SLC24A2: variants seen among roughly 807,000 people sequenced by gnomAD.
SLC24A2 encodes the protein solute carrier family 24 member 2.
In SLC24A2, 36 loss-of-function variants were observed where a neutral mutation model predicts 62.0. The ratio of observed to expected loss-of-function variants is 0.58; its 90% CI spans 0.44 to 0.77. SLC24A2 has a LOEUF of 0.77. Ranked by LOEUF, SLC24A2 falls within the 30% of genes least tolerant of loss-of-function variation. The probability of loss-of-function intolerance (pLI) is 0.00; values close to 1 mark genes in which losing one functional copy is unlikely to be tolerated. For missense variants in SLC24A2, 846 were observed against 817.9 expected (o/e 1.03, Z -0.42); for synonymous variants, 358 against 294.0 (o/e 1.22, Z -2.23).
chr9:20,256,935 C>A, the SLC24A2 span, among the ~76,000 whole-genome samples: 1 of 151,896 alleles, frequency 6.6e-6, no homozygotes, highest in African/African-American at 2.4e-5. Flanking sequence ...CACACACACA[C>A]ACACACACAC....
chr9:20,034,004 C>T, the SLC24A2 span, among the ~76,000 whole-genome samples: 1 of 152,148 alleles, frequency 6.6e-6, no homozygotes, highest in Non-Finnish European at 1.5e-5. Flanking sequence ...AAAATTACCA[C>T]ATTAGCACTG....
At chr9:19,675,231 T>A (rs1819527579) in intron 2 of SLC24A2, among the ~76,000 whole-genome samples, 1 of 152,188 alleles carries the variant, frequency 6.6e-6, no homozygotes, top group Admixed American at 6.5e-5. Context: ...CAGCTTTAGA[T>A]ACCAGCACCT....
chr9:20,034,733 G>A, the SLC24A2 span, among the ~76,000 whole-genome samples: 1 of 152,136 alleles, frequency 6.6e-6, no homozygotes, highest in Non-Finnish European at 1.5e-5. Context: ...CTCCCAAAGT[G>A]CTGGGATTAC....
At chr9:20,168,714 G>C in the SLC24A2 span, among the ~76,000 whole-genome samples, 1 of 151,984 alleles carries the variant, frequency 6.6e-6, no homozygotes, top group Non-Finnish European at 1.5e-5. Context: ...ACAAGTGCTG[G>C]CAAGAATGTA....
the SLC24A2 span, among the ~76,000 whole-genome samples, chr9:20,145,328 CATGGGGGAT>C: frequency 6.6e-6 from 1 of 152,100 alleles, no homozygotes; most frequent in South Asian, 2.1e-4. Context: ...GGGGATATAA[CATGGGGGAT>C]ATAACATTTT....
At chr9:20,061,497 G>C in the SLC24A2 span, among the ~76,000 whole-genome samples, 1 of 152,026 alleles carries the variant, frequency 6.6e-6, no homozygotes, top group Non-Finnish European at 1.5e-5. Flanking sequence ...ATTTTGGCCA[G>C]GCTGGTCTTG....
chr9:20,167,989 T>G, the SLC24A2 span, among the ~76,000 whole-genome samples: 2 of 151,978 alleles, frequency 1.3e-5, no homozygotes, highest in Non-Finnish European at 2.9e-5. Context: ...GCCTTGGCAC[T>G]CTTTCCTTGT....
the SLC24A2 span, among the ~76,000 whole-genome samples, chr9:20,097,612 G>C: frequency 6.6e-5 from 10 of 151,664 alleles, no homozygotes; most frequent in Middle Eastern, 3.5e-3. Context: ...TTACAGGTTG[G>C]ACTGGGTATC....
chr9:20,036,892 G>GTA, the SLC24A2 span, among the ~76,000 whole-genome samples: 2 of 140,862 alleles, frequency 1.4e-5, no homozygotes, highest in Non-Finnish European at 3.0e-5. Context: ...GTGTGTGTGC[G>GTA]TATATATATG....
At chr9:19,878,165 G>T in the SLC24A2 span, among the ~76,000 whole-genome samples, 1 of 152,100 alleles carries the variant, frequency 6.6e-6, no homozygotes, top group African/African-American at 2.4e-5. Context: ...GCCCTTATCA[G>T]CAAGAAGACT....
At chr9:19,637,933 T>C (rs1424103578) in intron 2 of SLC24A2, among the ~76,000 whole-genome samples, 2 of 152,234 alleles carry the variant, frequency 1.3e-5, no homozygotes, top group East Asian at 3.8e-4. Flanking sequence ...GTTTGCTTGC[T>C]GTGCTTTATT....
the SLC24A2 span, among the ~76,000 whole-genome samples, chr9:19,798,598 C>CCACACA: frequency 0.046 from 6,727 of 146,494 alleles, 363 homozygotes; most frequent in African/African-American, 0.13. Flanking sequence ...ATCCTTTATA[C>CCACACA]CACACACACA....
At chr9:19,793,276 A>T (rs970873281), upstream of SLC24A2, among the ~76,000 whole-genome samples, 1 of 152,128 alleles carries the variant, frequency 6.6e-6, no homozygotes, top group Non-Finnish European at 1.5e-5. Flanking sequence ...TGTCATCCTA[A>T]CTCCTAACCC....
intron 4 of SLC24A2, among the ~76,000 whole-genome samples, chr9:19,607,696 G>GTGAT (rs1007856581): frequency 2.8e-5 from 4 of 140,560 alleles, no homozygotes; most frequent in Admixed American, 1.5e-4. Flanking sequence ...TCCAGCCTAG[G>GTGAT]TGATAGAGTG....
intron 2 of SLC24A2, among the ~76,000 whole-genome samples, chr9:19,734,848 C>T (rs1253020212): frequency 6.6e-6 from 1 of 152,008 alleles, no homozygotes; most frequent in Non-Finnish European, 1.5e-5. Context: ...ACACCTTATA[C>T]AAAAATTAAT....
chr9:19,885,523 G>A, the SLC24A2 span, among the ~76,000 whole-genome samples: 25 of 152,278 alleles, frequency 1.6e-4, no homozygotes, highest in African/African-American at 5.8e-4. Flanking sequence ...TATAGATGAG[G>A]AAACAAGCTC....
the SLC24A2 span, among the ~76,000 whole-genome samples, chr9:19,818,307 A>G: frequency 1.2e-3 from 188 of 152,246 alleles, 1 homozygote; most frequent in Non-Finnish European, 2.4e-3. Flanking sequence ...AGAGCCAGAG[A>G]AGCAGAGAAT....
the SLC24A2 span, among the ~76,000 whole-genome samples, chr9:20,141,236 A>C: frequency 5.9e-5 from 9 of 152,132 alleles, no homozygotes; most frequent in Non-Finnish European, 7.3e-5. Context: ...TAAGAGATAG[A>C]GGCAAGACAG....
At chr9:20,096,068 TATCC>T in the SLC24A2 span, among the ~76,000 whole-genome samples, 4,170 of 149,846 alleles carry the variant, frequency 0.028, 84 homozygotes, top group African/African-American at 0.047. Context: ...ACCATATCTG[TATCC>T]ATCCATCCAT....
Sources: gnomAD v4.1 joint callset for allele counts (sites outside exome capture counted in the v4.1 genomes callset) on GRCh38, gnomAD v4.1.1 for gene constraint, MANE v1.5 for transcripts, NCBI Gene and HGNC (gene_info 2026-07-23, HGNC 2026-07-21) for gene names.